Variants in TUBGCP5 observed in about 807,000 individuals in gnomAD.
TUBGCP5 encodes the protein tubulin gamma complex component 5.
TUBGCP5 carries 98 observed loss-of-function variants against 134.7 expected under a neutral mutation model. The ratio of observed to expected loss-of-function variants is 0.73; its 90% CI spans 0.62 to 0.86. The LOEUF is 0.86. Among genes scored for constraint, TUBGCP5 ranks in the 40% least tolerant of loss-of-function variants. The pLI is 0.00. For missense variants in TUBGCP5, 1,150 were observed against 1,244.8 expected, an observed-to-expected ratio of 0.92 and a Z score of 1.15; for synonymous variants, 456 against 431.4, an observed-to-expected ratio of 1.06 and a Z score of -0.71.
chr15:23,020,326 G>A (rs1459583975), intron 11 of TUBGCP5, among the ~76,000 whole-genome samples: 1 of 152,024 alleles, frequency 6.6e-6, no homozygotes, highest in African/African-American at 2.4e-5. Context: ...AGAATAGTTT[G>A]AACCCAGGAG....
intron 19 of TUBGCP5, among the ~76,000 whole-genome samples, chr15:23,005,000 A>G (rs1217004334): frequency 6.6e-6 from 1 of 152,136 alleles, no homozygotes; most frequent in Admixed American, 6.5e-5. Flanking sequence ...AAATAATTTC[A>G]TTTACTTTGT....
In TUBGCP5 at chr15:23,010,057, C is replaced by T. The variant is rs762634634; in HGVS notation, c.2032G>A (p.Val678Met). ...GTTAATTCAAAAGTCTGGCATGTCA[C>T]AGATTCCGATGATCTATCCACACAT... Reference protein sequence around the residue: ...DVCVDRSSESVTCQTFELTLR... With the variant: ...DVCVDRSSESMTCQTFELTLR... Residue 678 changes from valine (V) to methionine (M), a missense_variant, in exon 15 of 23, where the codon GTG becomes ATG. Around this residue, in one of 2 missense-constraint regions of TUBGCP5, gnomAD observed 697 missense variants for 850.1 expected, o/e 0.82. Transcript: ENST00000615383. The T allele has an allele frequency of 1.9e-6, 3 of 1,614,146 alleles. No individual in the cohort carries two copies. Among genetic ancestry groups the T allele is most frequent in the Non-Finnish European group, 2.5e-6 (3 of 1,180,024 alleles).
rs762274078 is a variant in TUBGCP5 at position 23,024,086 on chromosome 15, C to A, written c.1029G>T (p.Leu343=). 6.2e-7 allele frequency: 1 copy of A among 1,614,160 alleles called. No homozygotes were observed. The highest frequency in any genetic ancestry group is 2.2e-5 in the East Asian group (1 of 44,878). Residue 343 remains leucine, a synonymous_variant, in exon 10 of 23, where the codon CTG becomes CTT. Coordinates refer to ENST00000615383, the MANE Select transcript of TUBGCP5 (RefSeq NM_052903.6). ...EVMGHSSESM[L]PGSGSVPKKS... ...TCTTAGGAACAGACCCACTTCCAGG[C>A]AGCATGCTCTCAGAACTGTGTCCCA...
At chr15:23,001,345 C>CT (rs146709092) in intron 21 of TUBGCP5, among the ~76,000 whole-genome samples, 10,815 of 141,196 alleles carry the variant, frequency 0.077, 468 homozygotes, top group Middle Eastern at 0.098. Flanking sequence ...GCCTGGCTGC[C>CT]TTTTTTTTTT....
chr15:23,010,779 GGC>G, intron 14 of TUBGCP5, among the ~76,000 whole-genome samples: 1 of 152,002 alleles, frequency 6.6e-6, no homozygotes, highest in East Asian at 1.9e-4. Flanking sequence ...AGGAGTTCGA[GGC>G]AAGCCTGGCC....
chr15:23,003,817 A>T (rs575113653), intron 20 of TUBGCP5, among the ~76,000 whole-genome samples: 10 of 151,778 alleles, frequency 6.6e-5, no homozygotes, highest in South Asian at 4.2e-4. Flanking sequence ...CATGTCTGCT[A>T]ATCTTTTTAA....
In TUBGCP5 at chr15:23,013,071, C is replaced by T. The variant is rs1241571540; in HGVS notation, c.1757-1740G>A. Among the ~76,000 whole-genome samples the T allele has an allele frequency of 1.3e-5, 2 of 152,118 alleles. No individual in the cohort carries two copies. The highest frequency in any genetic ancestry group is 4.8e-5 in the African/African-American group (2 of 41,408). ...TGAGCCGAGATCATGCCACTGCACT[C>T]CAGTCGCCAGCAAGGTGGCTGCCTG... On this transcript the variant is annotated intron_variant, in intron 13 of 22. Transcript: ENST00000615383. The surrounding 1 kb of genome is among the most constrained non-coding windows in gnomAD (Gnocchi z 4.5).
At position 23,013,478 on chromosome 15, in the gene TUBGCP5, G is replaced by A. The variant is rs145467184; in HGVS notation, c.1757-2147C>T. 1.6e-4 allele frequency among the ~76,000 whole-genome samples: 25 copies of A among 152,150 alleles called. No homozygotes were observed. The highest frequency in any genetic ancestry group is 8.3e-4 in the South Asian group (4 of 4,818). ...AAAGATCCGACTGGAGTTGAAGGGC[G>A]AGTGCTGGAGTGCAGAGGGGGAATG... is the stretch of plus-strand genomic sequence containing the variant. On this transcript the variant is annotated intron_variant, in intron 13 of 22. Coordinates refer to ENST00000615383, the MANE Select transcript of TUBGCP5 (RefSeq NM_052903.6). The surrounding 1 kb of genome is among the most constrained non-coding windows in gnomAD (Gnocchi z 4.5).
At position 23,010,014 on chromosome 15, in the gene TUBGCP5, T is replaced by A; in HGVS notation, c.2075A>T (p.Tyr692Phe). 1 of 1,614,168 alleles carries A rather than the reference T, an allele frequency of 6.2e-7. No homozygotes were observed. Among genetic ancestry groups the A allele is most frequent in the Non-Finnish European group, 8.5e-7 (1 of 1,180,016 alleles). The change falls in exon 15 of 23, where the codon TAT (tyrosine) becomes TTT (phenylalanine). Residue 692 changes from tyrosine to phenylalanine, a missense_variant. By Grantham distance (22) the Tyr-to-Phe change is conservative. Coordinates refer to ENST00000615383, the MANE Select transcript of TUBGCP5 (RefSeq NM_052903.6). ...TAGATACTGCTTGTCAATATGAGGA[T>A]AGAGGCAGGATCTCAGCGTTAATTC... ...TFELTLRSCL[Y>F]PHIDKQYLDC...
Position 23,026,023 on chromosome 15 carries a change from G to A in TUBGCP5, c.827+93C>T, listed in dbSNP as rs1444662165. ...CTAATGGACCTTTTCTAGTTTGCAT[G>A]TGAAAATGCTTGAAAAGTTTCCTTT... is the stretch of plus-strand genomic sequence containing the variant. On this transcript the variant is annotated intron_variant, in intron 8 of 22. Transcript: ENST00000615383. The A allele has an allele frequency of 3.0e-6, 3 of 991,358 alleles. No individual in the cohort carries two copies. In the African/African-American group the frequency reaches 5.0e-5, roughly 17 times the overall value. 61.4% of individuals were successfully genotyped at this position (991,358 alleles called of 1,614,324 possible).
rs1240434305 is a variant in TUBGCP5 at position 23,037,203 on chromosome 15, T to C, written c.147-51A>G. On this transcript the variant is annotated intron_variant, in intron 1 of 22. Transcript: ENST00000615383. ...ATGCCAACTCTGTCACACAGGTAAG[T>C]GAACTCATCTCATGGCCCTCCATAT... 4 of 1,560,738 alleles carry C rather than the reference T, an allele frequency of 2.6e-6. No homozygotes were observed. In the South Asian group the frequency reaches 3.4e-5, roughly 13 times the overall value.
intron 23 of TUBGCP5, among the ~76,000 whole-genome samples, chr15:22,984,814 GGTAGA>G (rs1166908917): frequency 6.6e-6 from 1 of 152,016 alleles, no homozygotes; most frequent in African/African-American, 2.4e-5. Flanking sequence ...ATTTTATAAC[GGTAGA>G]GTAGAGGAAG....
chr15:23,026,768 G>A (rs371862898), intron 7 of TUBGCP5, among the ~76,000 whole-genome samples: 3 of 151,598 alleles, frequency 2.0e-5, no homozygotes, highest in South Asian at 2.1e-4. Flanking sequence ...CCCCATCTCC[G>A]CTAAAAATAT....
At chr15:22,995,574 C>CAA (rs397794497), downstream of TUBGCP5, among the ~76,000 whole-genome samples, 4,797 of 121,390 alleles carry the variant, frequency 0.04, 254 homozygotes, top group African/African-American at 0.13. Context: ...GGCTCCGTCT[C>CAA]AAAAAAAAAA....
chr15:22,983,320 C>T (rs1483620560), exon 24 of TUBGCP5: 2 of 149,906 alleles, frequency 1.3e-5, no homozygotes, highest in East Asian at 2.0e-4. Flanking sequence ...AAATTATTTA[C>T]AGTAGTTCCC....
chr15:23,001,046 GT>G (rs1183325063), intron 21 of TUBGCP5, among the ~76,000 whole-genome samples: 2 of 151,784 alleles, frequency 1.3e-5, no homozygotes, highest in East Asian at 3.9e-4. Flanking sequence ...TTTTAAAAAG[GT>G]TTTTTTTCTT....
At chr15:23,033,853 C>T (rs2066442923) in intron 3 of TUBGCP5, among the ~76,000 whole-genome samples, 1 of 151,942 alleles carries the variant, frequency 6.6e-6, no homozygotes, top group Non-Finnish European at 1.5e-5. Context: ...ACTGATTTTC[C>T]TTTATTGGGT....
chr15:23,024,088 G>T lies in TUBGCP5; in HGVS notation c.1027C>A (p.Leu343Met), dbSNP rs774800013. 3 of 1,614,152 alleles carry T rather than the reference G, an allele frequency of 1.9e-6. No individual in the cohort carries two copies. The highest frequency in any genetic ancestry group is 1.7e-6 in the Non-Finnish European group (2 of 1,180,018). The change falls in exon 10 of 23, where the codon CTG (leucine) becomes ATG (methionine). Residue 343 changes from leucine to methionine, a missense_variant. Transcript: ENST00000615383. The part of the protein sequence containing the change: ...EVMGHSSESM[L>M]PGSGSVPKKS... ...TTAGGAACAGACCCACTTCCAGGCA[G>T]CATGCTCTCAGAACTGTGTCCCATG...
chr15:23,007,180 G>A (rs924673770), intron 16 of TUBGCP5, among the ~76,000 whole-genome samples: 8 of 152,072 alleles, frequency 5.3e-5, no homozygotes, highest in Non-Finnish European at 1.2e-4. Flanking sequence ...CATCCTCGAG[G>A]ATCACGAGGT....
Sources: gnomAD v4.1 joint callset for allele counts (sites outside exome capture counted in the v4.1 genomes callset) on GRCh38, gnomAD v4.1.1 for gene constraint, gnomAD v4.1.1 regional missense constraint, Gnocchi (gnomAD v3.1) non-coding constraint, MANE v1.5 for transcripts, NCBI Gene and HGNC (gene_info 2026-07-23, HGNC 2026-07-21) for gene names.